Variants in RBPJ observed in about 807,000 individuals in gnomAD.
RBPJ encodes the protein recombination signal binding protein for immunoglobulin kappa J region.
A neutral mutation model predicts 67.8 loss-of-function variants in RBPJ; 9 were observed. That is an observed-to-expected ratio of 0.13 (90% CI 0.08 to 0.23). The LOEUF (loss-of-function observed/expected upper bound fraction) is 0.23. Ranked by LOEUF, RBPJ falls within the 10% of genes least tolerant of loss-of-function variation. The pLI, the probability that RBPJ is intolerant of heterozygous loss-of-function variation, is 1.00. For missense variants in RBPJ, 305 were observed against 595.6 expected (o/e 0.51, Z 5.08); for synonymous variants, 198 against 203.3 (o/e 0.97, Z 0.22).
At chr4:26,358,860 T>A (rs541559428) in intron 1 of RBPJ, among the ~76,000 whole-genome samples, 178 of 152,352 alleles carry the variant, frequency 1.2e-3, no homozygotes, top group African/African-American at 4.0e-3. Flanking sequence ...CCCAGTTCAC[T>A]GTGTCATCAT....
At chr4:26,304,530 C>T (rs1489131665) in intron 1 of RBPJ, among the ~76,000 whole-genome samples, 1 of 152,222 alleles carries the variant, frequency 6.6e-6, no homozygotes, top group Non-Finnish European at 1.5e-5. Flanking sequence ...TGGCTTATTG[C>T]CACACTAGCA....
At chr4:26,195,186 T>C (rs1232994915) in intron 1 of RBPJ, among the ~76,000 whole-genome samples, 2 of 152,226 alleles carry the variant, frequency 1.3e-5, no homozygotes, top group East Asian at 3.9e-4. Context: ...CTGGCCAACA[T>C]AGCGAGACCT....
chr4:26,199,977 A>T (rs917534932), intron 1 of RBPJ, among the ~76,000 whole-genome samples: 1 of 152,148 alleles, frequency 6.6e-6, no homozygotes, highest in Non-Finnish European at 1.5e-5. Context: ...ATGTGATTCA[A>T]TCCTGCAGTT....
intron 1 of RBPJ, among the ~76,000 whole-genome samples, chr4:26,241,692 A>G (rs2109219338): frequency 6.6e-6 from 1 of 151,862 alleles, no homozygotes; most frequent in South Asian, 2.1e-4. Context: ...TTTCTATTTT[A>G]GTAGAGGCAG....
chr4:26,368,667 C>A (rs1380724906), intron 1 of RBPJ, among the ~76,000 whole-genome samples: 5 of 152,194 alleles, frequency 3.3e-5, no homozygotes, highest in African/African-American at 9.7e-5. Context: ...CCAGAGATGG[C>A]ACCCAAGGGT....
At chr4:26,348,033 C>T (rs1279766393) in intron 1 of RBPJ, among the ~76,000 whole-genome samples, 1 of 151,206 alleles carries the variant, frequency 6.6e-6, no homozygotes, top group African/African-American at 2.4e-5. Flanking sequence ...ACCATCTCAG[C>T]TCACTGCAAC....
At chr4:26,262,142 G>T (rs999205167) in intron 1 of RBPJ, among the ~76,000 whole-genome samples, 1 of 151,812 alleles carries the variant, frequency 6.6e-6, no homozygotes, top group Non-Finnish European at 1.5e-5. Flanking sequence ...ATGGGGTTTT[G>T]CCATGTTGCC....
intron 1 of RBPJ, among the ~76,000 whole-genome samples, chr4:26,211,008 A>G (rs527814289): frequency 1.3e-5 from 2 of 152,034 alleles, no homozygotes; most frequent in African/African-American, 4.8e-5. Flanking sequence ...CATTTTTCCC[A>G]CAGAGCCCCT....
intron 1 of RBPJ, among the ~76,000 whole-genome samples, chr4:26,168,245 G>A (rs986060103): frequency 5.9e-5 from 9 of 152,064 alleles, no homozygotes; most frequent in African/African-American, 2.2e-4. Flanking sequence ...GCTTCCTTCA[G>A]GAGCTCTTGT....
chr4:26,212,616 T>C (rs1718468767), intron 1 of RBPJ, among the ~76,000 whole-genome samples: 1 of 151,936 alleles, frequency 6.6e-6, no homozygotes, highest in Admixed American at 6.6e-5. Flanking sequence ...CTTTCTGCCT[T>C]GGAGCTGGCT....
chr4:26,128,795 G>A, the RBPJ span, among the ~76,000 whole-genome samples: 1 of 152,126 alleles, frequency 6.6e-6, no homozygotes, highest in Non-Finnish European at 1.5e-5. Flanking sequence ...TAGAATCATG[G>A]GGGTGGTTTC....
upstream of RBPJ, among the ~76,000 whole-genome samples, chr4:26,160,950 C>T (rs1716066267): frequency 6.6e-6 from 1 of 152,196 alleles, no homozygotes; most frequent in South Asian, 2.1e-4. Context: ...AGCTGGAGTA[C>T]CAAATACTAG....
intron 2 of RBPJ, among the ~76,000 whole-genome samples, chr4:26,405,141 G>T (rs1176403973): frequency 6.6e-6 from 1 of 152,186 alleles, no homozygotes; most frequent in East Asian, 1.9e-4. Flanking sequence ...CCACCCTGTG[G>T]TAGGGAGGTG....
the RBPJ span, among the ~76,000 whole-genome samples, chr4:26,109,456 C>CTATATA: frequency 1.6e-4 from 3 of 18,688 alleles, no homozygotes; most frequent in Non-Finnish European, 2.0e-4. Context: ...CTCTCTCTCT[C>CTATATA]TCTCTATATA....
chr4:26,295,385 G>A (rs1320892359), intron 1 of RBPJ, among the ~76,000 whole-genome samples: 1 of 152,100 alleles, frequency 6.6e-6, no homozygotes, highest in Non-Finnish European at 1.5e-5. Context: ...CTCATTGTAA[G>A]TAGTTAATGC....
chr4:26,280,329 G>C (rs1721227483), intron 1 of RBPJ, among the ~76,000 whole-genome samples: 1 of 148,322 alleles, frequency 6.7e-6, no homozygotes, highest in South Asian at 2.1e-4. Context: ...CCAGGAGGCA[G>C]AGGTTGCAGT....
At chr4:26,320,203 C>T (rs534570506), upstream of RBPJ, among the ~76,000 whole-genome samples, 2 of 152,342 alleles carry the variant, frequency 1.3e-5, no homozygotes, top group Admixed American at 6.5e-5. Flanking sequence ...AATTCCAAGG[C>T]AGTTTTCCCT....
At chr4:26,210,562 T>C (rs1718348545) in intron 1 of RBPJ, among the ~76,000 whole-genome samples, 1 of 152,200 alleles carries the variant, frequency 6.6e-6, no homozygotes, top group Non-Finnish European at 1.5e-5. Flanking sequence ...AACATTTTTA[T>C]TTCAAATATC....
rs754486640 is a variant in RBPJ, at chr4:26,430,854, G to A, written c.1311G>A (p.Pro437=). The change falls in exon 11 of 11, where the codon CCG becomes CCA. Residue 437 remains proline, a synonymous_variant. Coordinates refer to ENST00000355476, the MANE Select transcript of RBPJ (RefSeq NM_015874.6). This position sits in a 1 kb window ranked among gnomAD's most constrained non-coding sequence, Gnocchi z 4.1. Reference sequence around the variant, plus strand: ...TTACCTACACACCAGAACCAGGGCCGCGGCCACATTGCAGTGCAGCAGGAG... The same window carrying A: ...TTACCTACACACCAGAACCAGGGCCACGGCCACATTGCAGTGCAGCAGGAG... ...LTFTYTPEPG[P]RPHCSAAGAI... 1.2e-5 allele frequency: 19 copies of A among 1,613,852 alleles called. No homozygotes were observed. In the Admixed American group the frequency reaches 1.3e-4, roughly 11 times the overall value.
Sources: allele counts gnomAD v4.1 joint callset (sites outside exome capture counted in the v4.1 genomes callset), GRCh38; gene constraint gnomAD v4.1.1; non-coding constraint Gnocchi (gnomAD v3.1); transcripts MANE v1.5; gene names NCBI Gene and HGNC (gene_info 2026-07-23, HGNC 2026-07-21).